The following MEIKIN variants were observed in gnomAD, a reference collection of about 807,000 sequenced individuals.
MEIKIN encodes meiosis-specific kinetochore protein.
chr5:131,859,947 T>C (rs1750254061), intron 9 of MEIKIN, among the ~76,000 whole-genome samples: 1 of 152,234 alleles, frequency 6.6e-6, no homozygotes, highest in East Asian at 1.9e-4. Flanking sequence ...GCTGTTTGGG[T>C]TAGCACAGCC....
intron 11 of MEIKIN, among the ~76,000 whole-genome samples, chr5:131,830,100 A>G (rs541109734): frequency 9.8e-5 from 15 of 152,324 alleles, no homozygotes; most frequent in African/African-American, 3.4e-4. Flanking sequence ...TGATTTTAAG[A>G]TTTATGAGAC....
intron 10 of MEIKIN, among the ~76,000 whole-genome samples, chr5:131,852,385 CG>C (rs1554104109): frequency 1.3e-5 from 2 of 152,110 alleles, no homozygotes; most frequent in Non-Finnish European, 2.9e-5. Flanking sequence ...CCCAGCCATG[CG>C]GAACTGTGAG....
At position 131,854,761 on chromosome 5, in the gene MEIKIN, C is replaced by T; in HGVS notation, c.848G>A (p.Gly283Asp). 1 of 397,828 alleles carries T rather than the reference C, an allele frequency of 2.5e-6. No homozygotes were observed. The allele number at this position is 397,828 out of a possible 1,614,324, so 24.6% of individuals were successfully genotyped here. A position where few individuals can be genotyped will look rare whatever the true frequency, so the allele number is the denominator to read the frequency against. The change falls in exon 10 of 13, where the codon GGT (glycine) becomes GAT (aspartate). Residue 283 changes from glycine (G) to aspartate (D), a missense_variant. By Grantham distance (94) the Gly-to-Asp change is moderately conservative (BLOSUM62 -1). Coordinates refer to ENST00000442687, the MANE Select transcript of MEIKIN (RefSeq NM_001303622.2). The part of the protein sequence containing the change: ...LTSTPSSETA[G>D]FVIDLSSVQK... ...CCAAATGCTAATACTTACCACAAAA[C>T]CAGCTGTCTCTGAAGATGGAGTACT...
intron 11 of MEIKIN, among the ~76,000 whole-genome samples, chr5:131,820,909 G>A (rs373540240): frequency 6.6e-6 from 1 of 151,724 alleles, no homozygotes; most frequent in Non-Finnish European, 1.5e-5. Context: ...TTTTTTCTTA[G>A]TCTGGCTAAT....
intron 12 of MEIKIN, among the ~76,000 whole-genome samples, chr5:131,815,288 C>A (rs913371636): frequency 9.9e-5 from 15 of 152,176 alleles, no homozygotes; most frequent in African/African-American, 3.6e-4. Context: ...AGTTATAGCA[C>A]CAGCTAGGTG....
intron 7 of MEIKIN, among the ~76,000 whole-genome samples, chr5:131,914,389 A>G (rs1345470704): frequency 6.6e-6 from 1 of 150,958 alleles, no homozygotes; most frequent in Non-Finnish European, 1.5e-5. Context: ...GTCTCAAAAA[A>G]AAAAAAAAAG....
At chr5:131,833,313 G>T (rs1352327110) in intron 11 of MEIKIN, among the ~76,000 whole-genome samples, 1 of 152,142 alleles carries the variant, frequency 6.6e-6, no homozygotes, top group Non-Finnish European at 1.5e-5. Context: ...AGTCACCTTT[G>T]CTCTAGTTCC....
At chr5:131,891,492 G>C (rs1333221772) in intron 8 of MEIKIN, among the ~76,000 whole-genome samples, 1 of 152,094 alleles carries the variant, frequency 6.6e-6, no homozygotes, top group Non-Finnish European at 1.5e-5. Context: ...TGTCTCTTTT[G>C]ATCTTTGTTG....
At chr5:131,931,518 G>T (rs1751694321) in intron 5 of MEIKIN, among the ~76,000 whole-genome samples, 1 of 152,314 alleles carries the variant, frequency 6.6e-6, no homozygotes, top group Admixed American at 6.5e-5. Context: ...AGAGAATTCA[G>T]AACACTGGAT....
intron 9 of MEIKIN, among the ~76,000 whole-genome samples, chr5:131,863,490 G>A (rs1333307213): frequency 7.1e-6 from 1 of 140,528 alleles, no homozygotes; most frequent in African/African-American, 2.7e-5. Flanking sequence ...GGGTGCATAT[G>A]TATTTAGTAT....
At chr5:131,912,759 G>A (rs778222657) in intron 7 of MEIKIN, among the ~76,000 whole-genome samples, 4 of 152,066 alleles carry the variant, frequency 2.6e-5, no homozygotes, top group Non-Finnish European at 5.9e-5. Context: ...GTAATAAGTA[G>A]CTATTTTTAG....
chr5:131,881,148 G>C (rs1046797235), intron 8 of MEIKIN, among the ~76,000 whole-genome samples: 1 of 152,150 alleles, frequency 6.6e-6, no homozygotes, highest in African/African-American at 2.4e-5. Context: ...AAAAAAGAAA[G>C]TGTTAAGGAT....
Position 131,863,788 on chromosome 5 carries a change from C to T in MEIKIN, c.775-8954G>A, listed in dbSNP as rs185601009. On this transcript the variant is annotated intron_variant, in intron 9 of 12. Coordinates refer to ENST00000442687, the MANE Select transcript of MEIKIN (RefSeq NM_001303622.2). The stretch of plus-strand genomic sequence containing the variant: ...ACTGAATCATGGGGGCAGGTCTTCC[C>T]CATGCCGTTCTTGTGATAGTGAATA... 9.5e-4 allele frequency among the ~76,000 whole-genome samples: 145 copies of T among 152,066 alleles called. 5 individuals carry two copies. Among genetic ancestry groups the T allele is most frequent in the Admixed American group, 7.9e-4 (12 of 15,266 alleles).
At chr5:131,808,211 A>C (rs1468910376) in intron 12 of MEIKIN, among the ~76,000 whole-genome samples, 1 of 152,208 alleles carries the variant, frequency 6.6e-6, no homozygotes. Flanking sequence ...GACCTCAGAC[A>C]CTGCTCGCTC....
At chr5:131,933,756 A>G in intron 4 of MEIKIN, 115 bp from the exon 5 acceptor site, 1 of 388,362 alleles carries the variant, frequency 2.6e-6, no homozygotes, top group Non-Finnish European at 4.5e-6. Flanking sequence ...TTACTAGAAC[A>G]TAAGACTGCT....
At chr5:131,835,176 A>G (rs116678427) in intron 11 of MEIKIN, among the ~76,000 whole-genome samples, 1,432 of 129,672 alleles carry the variant, frequency 0.011, 26 homozygotes, top group African/African-American at 0.053. Context: ...CCATATATAT[A>G]TGTGTATATA....
chr5:131,851,049 A>C (rs1195307091), intron 11 of MEIKIN, among the ~76,000 whole-genome samples: 1 of 152,248 alleles, frequency 6.6e-6, no homozygotes, highest in Non-Finnish European at 1.5e-5. Flanking sequence ...AAGAAAAGAA[A>C]AAATAGACAA....
At chr5:131,889,426 C>A (rs1035649175) in intron 8 of MEIKIN, among the ~76,000 whole-genome samples, 6 of 152,298 alleles carry the variant, frequency 3.9e-5, no homozygotes, top group Middle Eastern at 3.4e-3. Flanking sequence ...AGGTCCTTCA[C>A]GTCCCTTGTA....
At chr5:131,840,534 T>C (rs910976017) in intron 11 of MEIKIN, among the ~76,000 whole-genome samples, 7 of 152,210 alleles carry the variant, frequency 4.6e-5, no homozygotes, top group Non-Finnish European at 1.0e-4. Context: ...TTGGAGGTTT[T>C]GTTCATTCCT....
Sources: gnomAD v4.1 joint callset for allele counts (sites outside exome capture counted in the v4.1 genomes callset) on GRCh38, gnomAD v4.1.1 for gene constraint, MANE v1.5 for transcripts, NCBI Gene and HGNC (gene_info 2026-07-23, HGNC 2026-07-21) for gene names.